METTL25: variants seen among roughly 807,000 people sequenced by gnomAD.
METTL25 encodes the protein methyltransferase like 25.
A neutral mutation model predicts 71.6 loss-of-function variants in METTL25; 64 were observed. That is an observed-to-expected ratio of 0.89 (90% CI 0.73 to 1.10). The LOEUF (loss-of-function observed/expected upper bound fraction) is 1.10. Ranked by LOEUF, METTL25 falls within the 50% of genes least tolerant of loss-of-function variation. METTL25 has a pLI of 0.00. For missense variants in METTL25, 807 were observed against 707.0 expected, an observed-to-expected ratio of 1.14 and a Z score of -1.60; for synonymous variants, 287 against 250.3, an observed-to-expected ratio of 1.15 and a Z score of -1.38.
intron 9 of METTL25, among the ~76,000 whole-genome samples, chr12:82,473,484 C>G (rs1452953146): frequency 6.6e-6 from 1 of 152,014 alleles, no homozygotes; most frequent in Non-Finnish European, 1.5e-5. Flanking sequence ...GGGATGGTCC[C>G]CAGAGCTATT....
At chr12:82,408,138 C>T (rs1449385096) in intron 5 of METTL25, among the ~76,000 whole-genome samples, 1 of 152,086 alleles carries the variant, frequency 6.6e-6, no homozygotes, top group Admixed American at 6.6e-5. Flanking sequence ...TGATGAACAG[C>T]ATGGTTGAAA....
At chr12:82,370,079 G>A (rs1043838956) in intron 1 of METTL25, among the ~76,000 whole-genome samples, 7 of 152,178 alleles carry the variant, frequency 4.6e-5, no homozygotes, top group Admixed American at 2.0e-4. Flanking sequence ...CCCAACTGCT[G>A]TTGGGAATCG....
At chr12:82,388,635 AG>A (rs1885277345) in intron 2 of METTL25, among the ~76,000 whole-genome samples, 1 of 152,068 alleles carries the variant, frequency 6.6e-6, no homozygotes, top group Non-Finnish European at 1.5e-5. Context: ...GTTATATCCT[AG>A]GCAAGAACAA....
chr12:82,434,707 G>A lies in METTL25; in HGVS notation c.1387G>A (p.Val463Ile), dbSNP rs1468212072. 6.2e-7 allele frequency: 1 copy of A among 1,609,476 alleles called. No individual in the cohort carries two copies. The highest frequency in any genetic ancestry group is 1.7e-5 in the Admixed American group (1 of 59,676). The change falls in exon 7 of 12, where the codon GTT becomes ATT. Residue 463 changes from valine to isoleucine, a missense_variant. Transcript: ENST00000248306. ...RMSACLALER[V>I]AAGQGLPTES... ...TTTTCCCTTTAAGGCATTGGAGCGGGTTGCAGCTGGCCAAGGGGTAAGTAA... is the reference window on the plus strand; with the variant it reads ...TTTTCCCTTTAAGGCATTGGAGCGGATTGCAGCTGGCCAAGGGGTAAGTAA...
chr12:82,450,830 C>G (rs1449545630), intron 8 of METTL25, among the ~76,000 whole-genome samples: 1 of 152,126 alleles, frequency 6.6e-6, no homozygotes, highest in Non-Finnish European at 1.5e-5. Context: ...CAGATAGTCT[C>G]TTGGTTAGCT....
chr12:82,436,573 G>T (rs190093333), intron 7 of METTL25, among the ~76,000 whole-genome samples: 3 of 151,614 alleles, frequency 2.0e-5, no homozygotes, highest in Admixed American at 1.3e-4. Context: ...GGAAACAGCT[G>T]TAAAGCTCTT....
chr12:82,375,491 A>T (rs564018865), intron 1 of METTL25, among the ~76,000 whole-genome samples: 9 of 152,278 alleles, frequency 5.9e-5, no homozygotes, highest in Middle Eastern at 3.4e-3. Flanking sequence ...AGTCTCAAGT[A>T]TTTTGTTATA....
intron 5 of METTL25, 102 bp from the exon 6 acceptor site, chr12:82,430,791 T>G: frequency 1.6e-6 from 1 of 619,636 alleles, no homozygotes; most frequent in South Asian, 2.3e-5. Flanking sequence ...ACTACTGTTT[T>G]TACTTTCTCA....
At chr12:82,389,352 A>G (rs1288228749) in intron 2 of METTL25, among the ~76,000 whole-genome samples, 5 of 152,104 alleles carry the variant, frequency 3.3e-5, no homozygotes, top group African/African-American at 1.2e-4. Flanking sequence ...CAGCTACTAT[A>G]TTAGACAGCA....
intron 1 of METTL25, among the ~76,000 whole-genome samples, chr12:82,385,239 A>G (rs1884861313): frequency 1.3e-5 from 2 of 152,170 alleles, no homozygotes; most frequent in African/African-American, 4.8e-5. Flanking sequence ...GTTTTTATTT[A>G]GAATTCTACA....
At chr12:82,465,599 G>A (rs1428129111) in intron 9 of METTL25, among the ~76,000 whole-genome samples, 2 of 151,844 alleles carry the variant, frequency 1.3e-5, no homozygotes, top group African/African-American at 4.8e-5. Context: ...TTTGGTTTCA[G>A]CGTTATGCTG....
chr12:82,474,036 G>A (rs776347538), intron 9 of METTL25, among the ~76,000 whole-genome samples: 14 of 152,258 alleles, frequency 9.2e-5, no homozygotes, highest in Middle Eastern at 3.4e-3. Flanking sequence ...TACAAGGCTA[G>A]GTGGGAGTGG....
intron 4 of METTL25, among the ~76,000 whole-genome samples, chr12:82,400,430 T>C (rs1886509145): frequency 1.3e-5 from 2 of 152,136 alleles, no homozygotes; most frequent in African/African-American, 2.4e-5. Flanking sequence ...GACCATTGTT[T>C]TACCATTTTT....
At chr12:82,405,193 G>T (rs1483402374) in intron 5 of METTL25, among the ~76,000 whole-genome samples, 1 of 152,040 alleles carries the variant, frequency 6.6e-6, no homozygotes, top group African/African-American at 2.4e-5. Flanking sequence ...CACCAAAGAT[G>T]AACCCTATCC....
intron 6 of METTL25, among the ~76,000 whole-genome samples, chr12:82,431,883 GT>G (rs1170682141): frequency 1.3e-5 from 2 of 151,562 alleles, no homozygotes; most frequent in African/African-American, 4.8e-5. Flanking sequence ...CACAAAGCCT[GT>G]TTTATAATAA....
intron 5 of METTL25, among the ~76,000 whole-genome samples, chr12:82,405,736 T>C (rs1158419996): frequency 6.6e-6 from 1 of 152,188 alleles, no homozygotes; most frequent in African/African-American, 2.4e-5. Flanking sequence ...ATCCACATAT[T>C]GTCATTGCCA....
intron 4 of METTL25, among the ~76,000 whole-genome samples, chr12:82,400,846 A>G (rs535045096): frequency 5.9e-5 from 9 of 152,150 alleles, no homozygotes; most frequent in Non-Finnish European, 1.0e-4. Flanking sequence ...TTTGTCTCCT[A>G]GCTGCTACTT....
intron 1 of METTL25, among the ~76,000 whole-genome samples, chr12:82,386,533 T>C (rs185429952): frequency 1.4e-5 from 2 of 146,500 alleles, no homozygotes; most frequent in Non-Finnish European, 3.0e-5. Context: ...TCTGTCTCTG[T>C]CTCTTTCTTT....
intron 5 of METTL25, among the ~76,000 whole-genome samples, chr12:82,406,890 A>G (rs995277626): frequency 3.9e-5 from 6 of 152,172 alleles, no homozygotes; most frequent in African/African-American, 1.4e-4. Context: ...TATTGCAGGC[A>G]GAATAAACAA....
Sources: allele counts gnomAD v4.1 joint callset (sites outside exome capture counted in the v4.1 genomes callset), GRCh38; gene constraint gnomAD v4.1.1; transcripts MANE v1.5; gene names NCBI Gene and HGNC (gene_info 2026-07-23, HGNC 2026-07-21).